RASSF3: variants seen among roughly 807,000 people sequenced by gnomAD.
RASSF3 encodes the protein Ras association domain family member 3.
Under a neutral mutation model 19.9 loss-of-function variants are expected in RASSF3, and 19 were observed. The ratio of observed to expected loss-of-function variants is 0.96; its 90% CI spans 0.67 to 1.40. The LOEUF (loss-of-function observed/expected upper bound fraction) is 1.40, where lower values mean the gene tolerates loss of function less well. Among genes scored for constraint, RASSF3 ranks in the 40% most tolerant of loss-of-function variants. The probability of loss-of-function intolerance (pLI) is 0.00; values close to 1 mark genes in which losing one functional copy is unlikely to be tolerated. For synonymous variants in RASSF3, 110 were observed against 104.2 expected, an observed-to-expected ratio of 1.06 and a Z score of -0.34; for missense variants, 306 against 289.8, an observed-to-expected ratio of 1.06 and a Z score of -0.41.
At chr12:64,539,531 C>A (rs529573859) in intron 1 of RASSF3, among the ~76,000 whole-genome samples, 3 of 152,118 alleles carry the variant, frequency 2.0e-5, no homozygotes, top group African/African-American at 7.2e-5. Context: ...AGTCCCAGCA[C>A]CTTGGGAGGC....
Position 64,695,039 on chromosome 12 carries a change from T to C in RASSF3, c.*127T>C. On this transcript the variant is annotated 3_prime_UTR_variant, in exon 5 of 5. Transcript: ENST00000542104. ...GGGTCTTCGCCTTTCTATCTGTAGA[T>C]TTTGTTCCCCAAACCTGGTCACACA... is the stretch of plus-strand genomic sequence containing the variant. 5.8e-6 allele frequency: 6 copies of C among 1,042,646 alleles called. No homozygotes were observed. The South Asian group carries it at 6.6e-5, about 12-fold the overall frequency. The allele number at this position is 1,042,646 out of a possible 1,614,324, so 64.6% of individuals were successfully genotyped here. A position where few individuals can be genotyped will look rare whatever the true frequency, so the allele number is the denominator to read the frequency against.
chr12:64,546,726 A>G (rs752170425), intron 2 of RASSF3, among the ~76,000 whole-genome samples: 4 of 152,208 alleles, frequency 2.6e-5, no homozygotes, highest in Non-Finnish European at 5.9e-5. Context: ...CAATATCTCA[A>G]GACCCAGGAT....
At chr12:64,571,244 A>G (rs928784184) in intron 2 of RASSF3, among the ~76,000 whole-genome samples, 20 of 152,134 alleles carry the variant, frequency 1.3e-4, no homozygotes, top group Admixed American at 1.3e-4. Context: ...AAACAAAAAT[A>G]AAAGAATGAT....
chr12:64,534,021 G>T (rs1367124096), intron 1 of RASSF3, among the ~76,000 whole-genome samples: 2 of 152,192 alleles, frequency 1.3e-5, no homozygotes, highest in Non-Finnish European at 2.9e-5. Context: ...CACTTTGGGA[G>T]GCCAAGGTAG....
chr12:64,609,636 CT>C (rs1297800409), upstream of RASSF3, among the ~76,000 whole-genome samples: 1 of 152,142 alleles, frequency 6.6e-6, no homozygotes, highest in African/African-American at 2.4e-5. Context: ...AACATGGAAA[CT>C]TTTTTTGTAC....
At chr12:64,681,270 G>A (rs1319548297) in intron 1 of RASSF3, among the ~76,000 whole-genome samples, 1 of 152,192 alleles carries the variant, frequency 6.6e-6, no homozygotes, top group Non-Finnish European at 1.5e-5. Flanking sequence ...AACCTTTGGT[G>A]ATTCCTCACA....
chr12:64,634,593 C>T (rs60448921), intron 1 of RASSF3, among the ~76,000 whole-genome samples: 8,539 of 151,794 alleles, frequency 0.056, 816 homozygotes, highest in African/African-American at 0.19. Context: ...TTTGTTTTTG[C>T]TTCAATTTTA....
chr12:64,571,269 CT>C (rs1439868793), intron 2 of RASSF3, among the ~76,000 whole-genome samples: 5 of 152,040 alleles, frequency 3.3e-5, no homozygotes, highest in Non-Finnish European at 7.4e-5. Flanking sequence ...TGTCTCCAAG[CT>C]TGCCCAGGTT....
At chr12:64,529,372 A>C (rs1030583633), upstream of RASSF3, among the ~76,000 whole-genome samples, 1 of 152,226 alleles carries the variant, frequency 6.6e-6, no homozygotes, top group African/African-American at 2.4e-5. Context: ...CCTTACTTGC[A>C]GCTGATCCAT....
intron 1 of RASSF3, among the ~76,000 whole-genome samples, chr12:64,638,590 A>AAG (rs1037801820): frequency 7.2e-5 from 11 of 152,064 alleles, no homozygotes; most frequent in African/African-American, 2.7e-4. Context: ...AAAAAAAAAA[A>AAG]AAAAAAGTAA....
chr12:64,537,908 CT>C (rs1206612663), intron 1 of RASSF3, among the ~76,000 whole-genome samples: 1 of 152,102 alleles, frequency 6.6e-6, no homozygotes, highest in Non-Finnish European at 1.5e-5. Context: ...TTCCTCTTGG[CT>C]TACAGATGGC....
rs7961408 is a variant in RASSF3 at position 64,508,827 on chromosome 12, G to A, written c.169+1498G>A. On this transcript the variant is annotated intron_variant, in intron 1 of 5. Transcript: ENST00000637125. Reference sequence around the variant, plus strand: ...CGAAAACCCAGGAGGTGGAGGTTGCGGTGAGCCGAGATTGTGCGATTGCAC... The same window carrying A: ...CGAAAACCCAGGAGGTGGAGGTTGCAGTGAGCCGAGATTGTGCGATTGCAC... 4.0e-3 allele frequency among the ~76,000 whole-genome samples: 597 copies of A among 150,724 alleles called. 7 individuals carry two copies. The highest frequency in any genetic ancestry group is 0.014 in the African/African-American group (564 of 41,042).
intron 2 of RASSF3, among the ~76,000 whole-genome samples, chr12:64,569,525 T>C (rs1869484229): frequency 6.6e-6 from 1 of 152,192 alleles, no homozygotes; most frequent in Non-Finnish European, 1.5e-5. Context: ...TCCATCTCCC[T>C]TGGGGATGTT....
chr12:64,520,249 A>C (rs1255316604), intron 1 of RASSF3, among the ~76,000 whole-genome samples: 1 of 150,758 alleles, frequency 6.6e-6, no homozygotes, highest in Non-Finnish European at 1.5e-5. Flanking sequence ...GCTCACTCCA[A>C]CTTTCACCTC....
At chr12:64,555,040 CCAAG>C (rs1164924445) in intron 2 of RASSF3, among the ~76,000 whole-genome samples, 9 of 151,432 alleles carry the variant, frequency 5.9e-5, no homozygotes, top group Non-Finnish European at 1.0e-4. Flanking sequence ...GGTCAGGAGT[CCAAG>C]ACCAGCCTGG....
At chr12:64,563,174 T>A (rs943433631) in intron 2 of RASSF3, among the ~76,000 whole-genome samples, 51 of 131,700 alleles carry the variant, frequency 3.9e-4, no homozygotes, top group Non-Finnish European at 6.0e-4. Context: ...TTTATTTTTA[T>A]TTTTTTTTTG....
chr12:64,604,427 A>G (rs1278941340), intron 2 of RASSF3, among the ~76,000 whole-genome samples: 5 of 151,478 alleles, frequency 3.3e-5, no homozygotes, highest in Admixed American at 2.0e-4. Context: ...TGCCCAGCCC[A>G]GGCTGATTTC....
intron 2 of RASSF3, among the ~76,000 whole-genome samples, chr12:64,588,711 C>T (rs567674060): frequency 1.7e-3 from 259 of 152,116 alleles, no homozygotes; most frequent in African/African-American, 6.0e-3. Context: ...CATTAGTTAT[C>T]TTTAAATAAA....
chr12:64,566,898 G>C (rs1592402900), intron 2 of RASSF3, among the ~76,000 whole-genome samples: 1 of 152,162 alleles, frequency 6.6e-6, no homozygotes, highest in Admixed American at 6.5e-5. Flanking sequence ...GGTGGGGACC[G>C]AGGGCAAAAA....
Sources: allele counts gnomAD v4.1 joint callset (sites outside exome capture counted in the v4.1 genomes callset), GRCh38; gene constraint gnomAD v4.1.1; transcripts MANE v1.5; gene names NCBI Gene and HGNC (gene_info 2026-07-23, HGNC 2026-07-21).